The following POTED variants were observed in gnomAD, a reference collection of about 807,000 sequenced individuals.
POTED encodes ANKRD26-like family B member 3.
POTED carries 7 observed loss-of-function variants against 19.0 expected under a neutral mutation model. The observed-to-expected ratio is 0.37, with a 90% CI of 0.21 to 0.69. The LOEUF is 0.69. Ranked by LOEUF, POTED falls within the 30% of genes least tolerant of loss-of-function variation. POTED has a pLI of 0.56. For missense variants in POTED, 54 were observed against 278.5 expected (o/e 0.19, Z 5.74); for synonymous variants, 16 against 92.0 (o/e 0.17, Z 4.73).
In POTED at chr21:13,612,888, G is replaced by A. The variant is rs1601481944; in HGVS notation, c.521+2139G>A. Among the ~76,000 whole-genome samples the A allele has an allele frequency of 2.7e-5, 2 of 75,028 alleles. 1 individual carries two copies. Among genetic ancestry groups the A allele is most frequent in the Non-Finnish European group, 4.6e-5 (2 of 43,522 alleles). 49.2% of individuals were successfully genotyped at this position (75,028 alleles called of 152,430 possible). A position where few individuals can be genotyped will look rare whatever the true frequency, so the allele number is the denominator to read the frequency against. On this transcript the variant is annotated intron_variant, in intron 1 of 10. Coordinates refer to ENST00000299443, the MANE Select transcript of POTED (RefSeq NM_174981.6). ...ATATCAAGTGAGAAAAAATCAGTTT[G>A]TTATACATATACACAAACAGAATCT...
chr21:13,635,070 C>T (rs1404363893), intron 9 of POTED, among the ~76,000 whole-genome samples: 7 of 82,528 alleles, frequency 8.5e-5, no homozygotes, highest in South Asian at 6.7e-4. Context: ...CCTTATCTGT[C>T]TGTTGTTATT....
In POTED at chr21:13,643,374, C is replaced by T. The variant is rs2011287913; in HGVS notation, c.*1808C>T. Among the ~76,000 whole-genome samples, 2 of 73,352 alleles carry T rather than the reference C, an allele frequency of 2.7e-5. 1 individual carries two copies. Among genetic ancestry groups the T allele is most frequent in the East Asian group, 1.6e-3 (2 of 1,258 alleles). The allele number at this position is 73,352 out of a possible 152,430, so 48.1% of individuals were successfully genotyped here. A position where few individuals can be genotyped will look rare whatever the true frequency, so the allele number is the denominator to read the frequency against. On this transcript the variant is annotated 3_prime_UTR_variant, in exon 11 of 11. Coordinates refer to ENST00000299443, the MANE Select transcript of POTED (RefSeq NM_174981.6). ...ACTTTATCCCAGCACTTTAGGAGTG[C>T]TGAGGTCAGACCAGCCCCATCTCAC...
intron 1 of POTED, 134 bp downstream of exon 1, chr21:13,610,883 G>C: frequency 1.3e-6 from 1 of 744,216 alleles, no homozygotes; most frequent in Non-Finnish European, 1.8e-6. Flanking sequence ...GGAAACCTCA[G>C]AGAGGTCAGG....
rs1265268424 is a variant in POTED at position 13,616,176 on chromosome 21, AC to A, written c.810+607del. 3.6e-5 allele frequency among the ~76,000 whole-genome samples: 3 copies of A among 82,956 alleles called. 1 individual carries two copies. The highest frequency in any genetic ancestry group is 1.1e-4 in the African/African-American group (2 of 17,560). 54.4% of individuals were successfully genotyped at this position (82,956 alleles called of 152,430 possible). Reference sequence around the variant, plus strand: ...TGTGTGTGTGTGTGTGTGTGTTGTTACTGTTGTTCATTCATTTGTTTCCTTT... The same window carrying A: ...TGTGTGTGTGTGTGTGTGTGTTGTTATGTTGTTCATTCATTTGTTTCCTTT... On this transcript the variant is annotated intron_variant, in intron 3 of 10. Coordinates refer to ENST00000299443, the MANE Select transcript of POTED (RefSeq NM_174981.6).
At chr21:13,612,714 G>A (rs560934617) in intron 1 of POTED, among the ~76,000 whole-genome samples, 1 of 81,490 alleles carries the variant, frequency 1.2e-5, no homozygotes, top group Non-Finnish European at 2.2e-5. Context: ...GTTTTTCTTA[G>A]TATTGCTTAA....
Position 13,641,505 on chromosome 21 carries a change from C to T in POTED, c.1694C>T (p.Thr565Ile). 1 of 596,532 alleles carries T rather than the reference C, an allele frequency of 1.7e-6. No homozygotes were observed. The highest frequency in any genetic ancestry group is 2.6e-6 in the Non-Finnish European group (1 of 389,804). 37.0% of individuals were successfully genotyped at this position (596,532 alleles called of 1,614,324 possible). Residue 565 changes from threonine (T) to isoleucine (I), a missense_variant, in exon 11 of 11, where the codon ACT (threonine) becomes ATT (isoleucine). Coordinates refer to ENST00000299443, the MANE Select transcript of POTED (RefSeq NM_174981.6). Reference protein sequence around the residue: ...LEEIESVKEKTDKLLRAMQLN... With the variant: ...LEEIESVKEKIDKLLRAMQLN... ...GAAATTGAAAGTGTGAAAGAAAAGA[C>T]TGATAAACTTCTAAGGGCTATGCAA... is the stretch of plus-strand genomic sequence containing the variant.
Position 13,610,947 on chromosome 21 carries a change from C to T in POTED, c.521+198C>T, listed in dbSNP as rs1046476934. 6.2e-5 allele frequency among the ~76,000 whole-genome samples: 5 copies of T among 80,690 alleles called. 2 individuals are homozygous for T. Among genetic ancestry groups the T allele is most frequent in the Non-Finnish European group, 2.2e-5 (1 of 45,828 alleles). The allele number at this position is 80,690 out of a possible 152,430, so 52.9% of individuals were successfully genotyped here. On this transcript the variant is annotated intron_variant, in intron 1 of 10. Transcript: ENST00000299443. ...AAAAAGTTTTAGCTGATTTCCAATC[C>T]AATTACAATTTCCCTTATAGAACAC...
rs1440901214 is a variant in POTED, at chr21:13,634,184, C to G, written c.1409+3077C>G. Among the ~76,000 whole-genome samples the G allele has an allele frequency of 8.8e-5, 7 of 79,146 alleles. 2 individuals carry two copies. The highest frequency in any genetic ancestry group is 7.5e-4 in the Admixed American group (7 of 9,370). The allele number at this position is 79,146 out of a possible 152,430, so 51.9% of individuals were successfully genotyped here. ...TGTCATTCTTGACTCATCTCTCTCT[C>G]TCTCTCTGACACCTCACATCTAATC... On this transcript the variant is annotated intron_variant, in intron 9 of 10. Coordinates refer to ENST00000299443, the MANE Select transcript of POTED (RefSeq NM_174981.6).
chr21:13,610,635 G>A lies in POTED; in HGVS notation c.407G>A (p.Arg136His), dbSNP rs1211045843. Residue 136 changes from arginine (R) to histidine (H), a missense_variant, in exon 1 of 11, where the codon CGT (arginine) becomes CAT (histidine). Coordinates refer to ENST00000299443, the MANE Select transcript of POTED (RefSeq NM_174981.6). The part of the protein sequence containing the change: ...SAFMEPRYHI[R>H]REDLDKLHRA... ...TTCATGGAGCCGAGGTACCACATCCGTCGAGAAGATCTGGACAAGCTCCAC... is the reference window on the plus strand; with the variant it reads ...TTCATGGAGCCGAGGTACCACATCCATCGAGAAGATCTGGACAAGCTCCAC... 13 of 1,076,872 alleles carry A rather than the reference G, an allele frequency of 1.2e-5. 5 individuals carry two copies. In the South Asian group the frequency reaches 1.3e-4, roughly 11 times the overall value. The allele number at this position is 1,076,872 out of a possible 1,614,324, so 66.7% of individuals were successfully genotyped here.
At chr21:13,634,209 C>A (rs1210104740) in intron 9 of POTED, among the ~76,000 whole-genome samples, 1 of 80,702 alleles carries the variant, frequency 1.2e-5, no homozygotes, top group Non-Finnish European at 2.2e-5. Flanking sequence ...CACATCTAAT[C>A]TCTCAGTAAA....
chr21:13,636,240 T>TA, intron 9 of POTED, among the ~76,000 whole-genome samples: 1 of 30,384 alleles, frequency 3.3e-5, no homozygotes, highest in South Asian at 1.0e-3. Flanking sequence ...TTTTCTTTTT[T>TA]AAAAAATACA....
rs2011307368 is a variant in POTED, at chr21:13,645,435, CAAAG to C, written c.*3873_*3876del. ...AAGCCAGAAAAGACATTCAACATCT[CAAAG>C]AAAAGAAATTTCAACCCAGAATTTC... On this transcript the variant is annotated 3_prime_UTR_variant, in exon 11 of 11. Transcript: ENST00000299443. 7.6e-6 allele frequency among the ~76,000 whole-genome samples: 1 copy of C among 131,758 alleles called. No homozygotes were observed. Among genetic ancestry groups the C allele is most frequent in the African/African-American group, 3.1e-5 (1 of 32,140 alleles). 86.4% of individuals were successfully genotyped at this position (131,758 alleles called of 152,430 possible). A position where few individuals can be genotyped will look rare whatever the true frequency, so the allele number is the denominator to read the frequency against.
chr21:13,640,787 A>G (rs918400081), intron 10 of POTED, among the ~76,000 whole-genome samples: 3 of 26,692 alleles, frequency 1.1e-4, no homozygotes, highest in African/African-American at 8.2e-4. Flanking sequence ...TAGAAGTGCA[A>G]TGCTTAGATG....
intron 10 of POTED, among the ~76,000 whole-genome samples, chr21:13,640,552 T>TTG (rs1427589473): frequency 3.0e-5 from 2 of 66,480 alleles, no homozygotes; most frequent in Admixed American, 2.5e-4. Context: ...GTGTGTGTGT[T>TTG]TGTGTGTGTG....
chr21:13,619,192 TCTCACTCATA>T lies in POTED; in HGVS notation c.917+738_917+747del, dbSNP rs777139041. Among the ~76,000 whole-genome samples, 281 of 33,210 alleles carry T rather than the reference TCTCACTCATA, an allele frequency of 8.5e-3. 40 individuals are homozygous for T. Among genetic ancestry groups the T allele is most frequent in the Non-Finnish European group, 0.01 (215 of 21,168 alleles). 21.8% of individuals were successfully genotyped at this position (33,210 alleles called of 152,430 possible). A position where few individuals can be genotyped will look rare whatever the true frequency, so the allele number is the denominator to read the frequency against. On this transcript the variant is annotated intron_variant, in intron 4 of 10. Transcript: ENST00000299443. ...GAACAAAAAACCAAACACCGCATAT[TCTCACTCATA>T]GGTGGGAATTGAACAATGCAATCAC...
chr21:13,639,722 T>A (rs1227678211), intron 10 of POTED, 84 bp downstream of exon 10: 1 of 556,462 alleles, frequency 1.8e-6, no homozygotes, highest in Admixed American at 4.7e-5. Context: ...AAAGGATTTT[T>A]AAATCACATA....
rs543363486 is a variant in POTED at position 13,612,813 on chromosome 21, G to A, written c.521+2064G>A. Among the ~76,000 whole-genome samples, 118 of 80,434 alleles carry A rather than the reference G, an allele frequency of 1.5e-3. 44 individuals are homozygous for A. The South Asian group carries it at 0.041, about 28-fold the overall frequency. 52.8% of individuals were successfully genotyped at this position (80,434 alleles called of 152,430 possible). A position where few individuals can be genotyped will look rare whatever the true frequency, so the allele number is the denominator to read the frequency against. On this transcript the variant is annotated intron_variant, in intron 1 of 10. Transcript: ENST00000299443. ...GGATGGAATAATATGTAACCATTGA[G>A]GGTGTCAGTAGATACAGAGATATGT...
intron 8 of POTED, among the ~76,000 whole-genome samples, 167 bp from the exon 9 acceptor site, chr21:13,630,774 C>A (rs3896203): frequency 0.28 from 18,746 of 67,746 alleles, 6,716 homozygotes; most frequent in Admixed American, 0.42. Flanking sequence ...ATGATAATTA[C>A]ATCTTAAAAT....
chr21:13,631,554 C>G (rs1432958336), intron 9 of POTED, among the ~76,000 whole-genome samples: 1 of 65,888 alleles, frequency 1.5e-5, no homozygotes, highest in Non-Finnish European at 2.6e-5. Context: ...TCCATGAGTT[C>G]TCATTGTTTA....
Sources: gnomAD v4.1 joint callset for allele counts (sites outside exome capture counted in the v4.1 genomes callset) on GRCh38, gnomAD v4.1.1 for gene constraint, MANE v1.5 for transcripts, NCBI Gene and HGNC (gene_info 2026-07-23, HGNC 2026-07-21) for gene names.